CELF2: variants seen among roughly 807,000 people sequenced by gnomAD.
The protein encoded by CELF2 is CUG triplet repeat RNA-binding protein 2.
A neutral mutation model predicts 62.6 loss-of-function variants in CELF2; 8 were observed. The observed-to-expected ratio is 0.13, with a 90% CI of 0.07 to 0.23. CELF2 has a LOEUF of 0.23. Among genes scored for constraint, CELF2 ranks in the 10% least tolerant of loss-of-function variants. CELF2 has a pLI of 1.00. For synonymous variants in CELF2, 258 were observed against 250.0 expected, an observed-to-expected ratio of 1.03 and a Z score of -0.30; for missense variants, 333 against 671.0, an observed-to-expected ratio of 0.50 and a Z score of 5.56.
the CELF2 span, among the ~76,000 whole-genome samples, chr10:10,783,848 C>G: frequency 1.3e-4 from 20 of 152,170 alleles, no homozygotes; most frequent in East Asian, 3.5e-3. Context: ...AGTAGCTGGG[C>G]GTGGTGGTAC....
chr10:11,102,565 A>C (rs1437466321), intron 1 of CELF2, among the ~76,000 whole-genome samples: 6 of 152,166 alleles, frequency 3.9e-5, no homozygotes, highest in African/African-American at 9.7e-5. Flanking sequence ...TTGTCCTTGA[A>C]ACTCGGGGCC....
intron 3 of CELF2, among the ~76,000 whole-genome samples, chr10:11,219,290 T>A (rs999488631): frequency 1.3e-5 from 2 of 152,226 alleles, no homozygotes; most frequent in Non-Finnish European, 2.9e-5. Context: ...AAGCGACTTA[T>A]GAGTATGCTT....
the CELF2 span, among the ~76,000 whole-genome samples, chr10:10,602,172 C>T: frequency 6.6e-6 from 1 of 152,240 alleles, no homozygotes; most frequent in Admixed American, 6.5e-5. Context: ...CATGTCTTTG[C>T]TATTGTGAAT....
intron 3 of CELF2, among the ~76,000 whole-genome samples, chr10:11,248,365 A>G (rs537373401): frequency 3.9e-5 from 6 of 152,258 alleles, no homozygotes; most frequent in South Asian, 4.1e-4. Flanking sequence ...CGCTGTGTCT[A>G]GTCCTTTCTA....
At chr10:10,617,818 T>C in the CELF2 span, among the ~76,000 whole-genome samples, 16 of 152,098 alleles carry the variant, frequency 1.1e-4, no homozygotes, top group Middle Eastern at 3.2e-3. Flanking sequence ...CACCAGAGTA[T>C]GGAGGGATTG....
chr10:11,153,848 T>C (rs1444664479), intron 1 of CELF2, among the ~76,000 whole-genome samples: 6 of 152,222 alleles, frequency 3.9e-5, no homozygotes, highest in Admixed American at 2.6e-4. Flanking sequence ...GTACAGTTTT[T>C]TCCCCTTGGT....
the CELF2 span, among the ~76,000 whole-genome samples, chr10:10,549,904 G>T: frequency 6.6e-6 from 1 of 152,316 alleles, no homozygotes; most frequent in Admixed American, 6.5e-5. Context: ...AAGAGTTACT[G>T]TGTGGGGAAA....
chr10:10,705,883 A>T, the CELF2 span, among the ~76,000 whole-genome samples: 1 of 152,138 alleles, frequency 6.6e-6, no homozygotes, highest in Non-Finnish European at 1.5e-5. Context: ...TGTGTTGCCC[A>T]TTGCTCTCTA....
At chr10:11,212,639 C>T (rs1337724861) in intron 2 of CELF2, among the ~76,000 whole-genome samples, 4 of 151,988 alleles carry the variant, frequency 2.6e-5, no homozygotes, top group Admixed American at 6.6e-5. Flanking sequence ...TCCATTGGAC[C>T]TGATGGACCT....
intron 1 of CELF2, among the ~76,000 whole-genome samples, chr10:11,148,480 G>A (rs921380642): frequency 2.0e-5 from 3 of 152,166 alleles, no homozygotes; most frequent in East Asian, 1.9e-4. Context: ...AAGCTGAGAC[G>A]CATCCAGTGT....
At chr10:10,793,166 A>G in the CELF2 span, among the ~76,000 whole-genome samples, 1 of 152,338 alleles carries the variant, frequency 6.6e-6, no homozygotes, top group African/African-American at 2.4e-5. Flanking sequence ...CAAATGTCCC[A>G]TAATAGCAAT....
At chr10:10,876,703 C>A (rs1218342044) in intron 1 of CELF2, among the ~76,000 whole-genome samples, 1 of 152,202 alleles carries the variant, frequency 6.6e-6, no homozygotes, top group Non-Finnish European at 1.5e-5. Flanking sequence ...CTCCAGAATG[C>A]CTCTCCACTT....
intron 1 of CELF2, among the ~76,000 whole-genome samples, chr10:10,886,262 C>G (rs1382486717): frequency 6.6e-6 from 1 of 152,098 alleles, no homozygotes; most frequent in African/African-American, 2.4e-5. Flanking sequence ...AGTCACTTGA[C>G]CATCTGTTAC....
In CELF2 at chr10:11,260,914, T is replaced by C. The variant is rs1232090799; in HGVS notation, c.538+3042T>C. 6.6e-6 allele frequency among the ~76,000 whole-genome samples: 1 copy of C among 152,126 alleles called. No individual in the cohort carries two copies. Among genetic ancestry groups the C allele is most frequent in the Non-Finnish European group, 1.5e-5 (1 of 68,016 alleles). ...TTGCTTTCATTAAAGAATTGCAGTTTTGAATCAAATATTAATGTGTCTCCC... is the reference window on the plus strand; with the variant it reads ...TTGCTTTCATTAAAGAATTGCAGTTCTGAATCAAATATTAATGTGTCTCCC... On this transcript the variant is annotated intron_variant, in intron 5 of 12. Coordinates refer to ENST00000633077, the MANE Select transcript of CELF2 (RefSeq NM_001326342.2). The surrounding 1 kb of genome is among the most constrained non-coding windows in gnomAD (Gnocchi z 4.2).
intron 2 of CELF2, among the ~76,000 whole-genome samples, chr10:11,209,734 A>T (rs940039592): frequency 2.0e-5 from 3 of 151,926 alleles, no homozygotes; most frequent in African/African-American, 7.3e-5. Flanking sequence ...AGTGCATGGC[A>T]GATTCGCTTG....
the CELF2 span, among the ~76,000 whole-genome samples, chr10:10,625,222 A>T: frequency 6.6e-6 from 1 of 152,008 alleles, no homozygotes; most frequent in Non-Finnish European, 1.5e-5. Context: ...ATTAAAGATA[A>T]CCCCCATTTG....
chr10:10,842,407 G>C (rs1042304655), intron 1 of CELF2, among the ~76,000 whole-genome samples: 1 of 151,994 alleles, frequency 6.6e-6, no homozygotes, highest in Non-Finnish European at 1.5e-5. Context: ...TCACTAAAAA[G>C]AATGATATTA....
At chr10:10,908,642 A>G (rs937133833) in intron 1 of CELF2, among the ~76,000 whole-genome samples, 1 of 152,238 alleles carries the variant, frequency 6.6e-6, no homozygotes, top group Non-Finnish European at 1.5e-5. Context: ...ATTAAAAAAT[A>G]AAAACCAACA....
chr10:10,879,333 C>A (rs191589739), intron 1 of CELF2, among the ~76,000 whole-genome samples: 24 of 152,166 alleles, frequency 1.6e-4, no homozygotes, highest in African/African-American at 5.3e-4. Context: ...CTTAGTGCCA[C>A]GCACTGGCTA....
Sources: allele counts gnomAD v4.1 joint callset (sites outside exome capture counted in the v4.1 genomes callset), GRCh38; gene constraint gnomAD v4.1.1; non-coding constraint Gnocchi (gnomAD v3.1); transcripts MANE v1.5; gene names NCBI Gene and HGNC (gene_info 2026-07-23, HGNC 2026-07-21).